The following DCC variants were observed in gnomAD, a reference collection of about 807,000 sequenced individuals.
DCC encodes the protein netrin receptor DCC.
A neutral mutation model predicts 172.5 loss-of-function variants in DCC; 58 were observed. The observed-to-expected ratio is 0.34, with a 90% CI of 0.27 to 0.42. The LOEUF is 0.42. Ranked by LOEUF, DCC falls within the 10% of genes least tolerant of loss-of-function variation. The pLI is 1.00. For missense variants in DCC, 1,740 were observed against 1,791.0 expected, an observed-to-expected ratio of 0.97 and a Z score of 0.51; for synonymous variants, 709 against 644.5, an observed-to-expected ratio of 1.10 and a Z score of -1.52.
chr18:53,289,116 C>T (rs1442376787), intron 12 of DCC, among the ~76,000 whole-genome samples: 1 of 151,794 alleles, frequency 6.6e-6, no homozygotes, highest in Non-Finnish European at 1.5e-5. Flanking sequence ...AATTAGTTCA[C>T]ATATTTATAA....
At chr18:52,720,467 G>T (rs1221900553) in intron 1 of DCC, among the ~76,000 whole-genome samples, 3 of 152,168 alleles carry the variant, frequency 2.0e-5, no homozygotes, top group Non-Finnish European at 4.4e-5. Context: ...TATCACACAG[G>T]ATGGGAAGGG....
chr18:52,879,462 C>G (rs11082955), intron 2 of DCC, among the ~76,000 whole-genome samples: 81,199 of 129,804 alleles, frequency 0.63, 25,426 homozygotes, highest in Non-Finnish European at 0.68. Flanking sequence ...TTCACTCTGC[C>G]GCCCAGGCTG....
chr18:53,335,027 G>A (rs1568063683), intron 14 of DCC, among the ~76,000 whole-genome samples: 1 of 152,052 alleles, frequency 6.6e-6, no homozygotes, highest in Non-Finnish European at 1.5e-5. Context: ...TTTCTTTATA[G>A]CAGGTATACT....
intron 2 of DCC, among the ~76,000 whole-genome samples, chr18:52,836,975 A>G (rs576487681): frequency 1.4e-4 from 22 of 152,290 alleles, no homozygotes; most frequent in African/African-American, 2.6e-4. Flanking sequence ...CCAAACCTCA[A>G]TTCTTGACTT....
At chr18:53,182,584 G>A (rs888713190) in intron 9 of DCC, among the ~76,000 whole-genome samples, 8 of 152,052 alleles carry the variant, frequency 5.3e-5, no homozygotes, top group Admixed American at 1.3e-4. Flanking sequence ...TCTTTCTTAC[G>A]GACATTAGAA....
At chr18:53,321,095 G>T (rs2057406395) in intron 13 of DCC, among the ~76,000 whole-genome samples, 1 of 151,996 alleles carries the variant, frequency 6.6e-6, no homozygotes, top group Admixed American at 6.6e-5. Context: ...ATCTTCCTAT[G>T]CAAAAAATCT....
intron 2 of DCC, among the ~76,000 whole-genome samples, chr18:52,887,028 C>G (rs774386188): frequency 6.6e-6 from 1 of 152,142 alleles, no homozygotes; most frequent in Admixed American, 6.5e-5. Flanking sequence ...CTAGGCTCTT[C>G]TAGGGTAATC....
chr18:52,805,477 A>AT (rs2038068588), intron 2 of DCC, among the ~76,000 whole-genome samples: 1 of 152,214 alleles, frequency 6.6e-6, no homozygotes. Flanking sequence ...TAAGAGACGA[A>AT]TGGAGAAGGT....
chr18:53,226,361 GA>G (rs2056027592), intron 12 of DCC, among the ~76,000 whole-genome samples: 1 of 152,276 alleles, frequency 6.6e-6, no homozygotes, highest in Admixed American at 6.5e-5. Flanking sequence ...AGGAGAGCTA[GA>G]AGAGGAACCA....
At chr18:52,881,941 ATCTT>A (rs1339810495) in intron 2 of DCC, among the ~76,000 whole-genome samples, 2 of 152,086 alleles carry the variant, frequency 1.3e-5, no homozygotes, top group African/African-American at 4.8e-5. Flanking sequence ...AACATGAAAT[ATCTT>A]TCTATTTTTG....
intron 2 of DCC, among the ~76,000 whole-genome samples, chr18:52,793,006 A>G (rs1266306536): frequency 6.6e-6 from 1 of 151,874 alleles, no homozygotes; most frequent in Non-Finnish European, 1.5e-5. Context: ...AAAGTTTAAT[A>G]GAAGAAAGGA....
intron 7 of DCC, among the ~76,000 whole-genome samples, chr18:53,133,340 C>G (rs1473916560): frequency 1.3e-5 from 2 of 152,160 alleles, no homozygotes; most frequent in African/African-American, 4.8e-5. Context: ...TGCAATATCC[C>G]TCAGAGATTT....
chr18:52,543,813 G>T (rs1246401463), intron 1 of DCC, among the ~76,000 whole-genome samples: 2 of 152,154 alleles, frequency 1.3e-5, no homozygotes, highest in Non-Finnish European at 2.9e-5. Context: ...TGCCCATTGA[G>T]CTGAGCATCC....
chr18:52,735,628 G>GTCCAAAAGTCCAAAAC (rs996800225), intron 1 of DCC, among the ~76,000 whole-genome samples: 1 of 145,810 alleles, frequency 6.9e-6, no homozygotes, highest in African/African-American at 2.6e-5. Context: ...AAGTCCAAAA[G>GTCCAAAAGTCCAAAAC]TCCAAAAGCT....
chr18:52,986,479 T>C (rs1189048697), intron 5 of DCC, among the ~76,000 whole-genome samples: 1 of 152,164 alleles, frequency 6.6e-6, no homozygotes, highest in Non-Finnish European at 1.5e-5. Flanking sequence ...CTTTGTCCTC[T>C]GAAAGTTTTA....
At chr18:52,358,507 A>G (rs1984478021) in intron 1 of DCC, among the ~76,000 whole-genome samples, 1 of 152,252 alleles carries the variant, frequency 6.6e-6, no homozygotes, top group Non-Finnish European at 1.5e-5. Flanking sequence ...CAGAAAAGCC[A>G]TGTAAATTAT....
chr18:52,933,490 A>G (rs927544233), intron 5 of DCC, among the ~76,000 whole-genome samples: 3 of 151,850 alleles, frequency 2.0e-5, no homozygotes, highest in African/African-American at 7.3e-5. Context: ...TAAATGTGCA[A>G]AGGTCTGGAA....
chr18:52,454,029 T>C (rs1028084997), intron 1 of DCC, among the ~76,000 whole-genome samples: 2 of 152,112 alleles, frequency 1.3e-5, no homozygotes, highest in African/African-American at 4.8e-5. Flanking sequence ...TATTTTGGGG[T>C]CAGGAAGGAT....
At chr18:52,555,097 A>G (rs1181021147) in intron 1 of DCC, among the ~76,000 whole-genome samples, 8 of 152,176 alleles carry the variant, frequency 5.3e-5, no homozygotes, top group East Asian at 1.9e-4. Flanking sequence ...GGAGGAAACT[A>G]TTGTCAGTAG....
Sources: allele counts gnomAD v4.1 joint callset (sites outside exome capture counted in the v4.1 genomes callset), GRCh38; gene constraint gnomAD v4.1.1; transcripts MANE v1.5; gene names NCBI Gene and HGNC (gene_info 2026-07-23, HGNC 2026-07-21).